The following IFT43 variants were observed in gnomAD, a reference collection of about 807,000 sequenced individuals.
IFT43 encodes intraflagellar transport protein 43 homolog.
A neutral mutation model predicts 32.3 loss-of-function variants in IFT43; 33 were observed. The ratio of observed to expected loss-of-function variants is 1.02; its 90% confidence interval spans 0.77 to 1.37. The LOEUF (loss-of-function observed/expected upper bound fraction) is 1.37, where lower values mean the gene tolerates loss of function less well. Among genes scored for constraint, IFT43 ranks in the 40% most tolerant of loss-of-function variants. IFT43 has a pLI of 0.00. For synonymous variants in IFT43, 93 were observed against 98.2 expected (o/e 0.95, Z 0.31); for missense variants, 274 against 265.9 (o/e 1.03, Z -0.21).
chr14:76,020,911 G>T (rs2036277872), intron 2 of IFT43, among the ~76,000 whole-genome samples: 2 of 152,156 alleles, frequency 1.3e-5, no homozygotes, highest in South Asian at 4.2e-4. Flanking sequence ...GGTAGTGCAT[G>T]TGGGTGGGTG....
At chr14:76,009,147 T>C (rs888331147) in intron 2 of IFT43, among the ~76,000 whole-genome samples, 1 of 152,238 alleles carries the variant, frequency 6.6e-6, no homozygotes, top group African/African-American at 2.4e-5. Flanking sequence ...AAGCCCATTC[T>C]AGCTGGCATG....
chr14:76,070,187 C>G (rs954307911), intron 5 of IFT43, among the ~76,000 whole-genome samples: 1 of 152,190 alleles, frequency 6.6e-6, no homozygotes, highest in African/African-American at 2.4e-5. Flanking sequence ...GCTAGGCTGT[C>G]AATGGAATTA....
intron 3 of IFT43, among the ~76,000 whole-genome samples, chr14:76,037,237 A>G (rs2139999763): frequency 6.6e-6 from 1 of 152,294 alleles, no homozygotes; most frequent in East Asian, 1.9e-4. Flanking sequence ...TTTGTAGGTG[A>G]TGCCGTGTAC....
intron 3 of IFT43, among the ~76,000 whole-genome samples, chr14:76,052,673 A>G (rs1385672233): frequency 6.6e-6 from 1 of 152,220 alleles, no homozygotes; most frequent in Non-Finnish European, 1.5e-5. Context: ...GTGGGCTCCA[A>G]ATGCCAAAGA....
chr14:75,998,750 G>A (rs2035795179), intron 2 of IFT43, among the ~76,000 whole-genome samples: 2 of 152,190 alleles, frequency 1.3e-5, no homozygotes, highest in African/African-American at 2.4e-5. Context: ...TGTGTGCCTG[G>A]CACAGTACAC....
intron 2 of IFT43, among the ~76,000 whole-genome samples, chr14:76,007,919 G>A (rs2036009921): frequency 6.6e-6 from 1 of 152,174 alleles, no homozygotes; most frequent in Admixed American, 6.5e-5. Flanking sequence ...GGGTGAATTT[G>A]AAGAATGGTT....
At chr14:76,008,528 A>T (rs1193091041) in intron 2 of IFT43, among the ~76,000 whole-genome samples, 1 of 152,164 alleles carries the variant, frequency 6.6e-6, no homozygotes, top group Non-Finnish European at 1.5e-5. Context: ...CAGTGGAGAT[A>T]TGATGAGCAC....
chr14:75,999,274 TATA>T lies in IFT43; in HGVS notation c.147+10298_147+10300del, dbSNP rs2035833698. Among the ~76,000 whole-genome samples, 37 of 16,600 alleles carry T rather than the reference TATA, an allele frequency of 2.2e-3. 2 individuals are homozygous for T. The highest frequency in any genetic ancestry group is 5.6e-3 in the African/African-American group (20 of 3,588). The allele number at this position is 16,600 out of a possible 152,430, so 10.9% of individuals were successfully genotyped here. ...ATATATATATATATATATATATATG[TATA>T]TATATTTTTTTTTTTTTTTTTTTAA... On this transcript the variant is annotated intron_variant, in intron 2 of 8. Coordinates refer to ENST00000314067, the MANE Select transcript of IFT43 (RefSeq NM_001102564.3).
chr14:75,987,736 G>A (rs934741593), intron 1 of IFT43, among the ~76,000 whole-genome samples: 2 of 152,172 alleles, frequency 1.3e-5, no homozygotes, highest in Non-Finnish European at 1.5e-5. Flanking sequence ...TTTTGTTTAT[G>A]TGCTGGGAAG....
intron 2 of IFT43, among the ~76,000 whole-genome samples, chr14:76,015,199 G>A (rs551666184): frequency 1.6e-4 from 25 of 152,290 alleles, no homozygotes; most frequent in Middle Eastern, 6.8e-3. Flanking sequence ...CCCCTAACAA[G>A]ACTCATATTA....
intron 1 of IFT43, among the ~76,000 whole-genome samples, chr14:75,987,650 T>C (rs991101425): frequency 8.3e-4 from 127 of 152,334 alleles, no homozygotes; most frequent in African/African-American, 2.9e-3. Context: ...AAAGTGCTTA[T>C]ATTAATGCTG....
At position 76,083,733 on chromosome 14, in the gene IFT43, T is replaced by G. The variant is rs1372926554; in HGVS notation, c.*156T>G. On this transcript the variant is annotated 3_prime_UTR_variant, in exon 9 of 9. Transcript: ENST00000314067. ...TAATTCAATTGCAATAAATTGCTTA[T>G]TCTGTGCCATCTCCTCCATTTCTTT... 6.6e-6 allele frequency: 5 copies of G among 757,406 alleles called. No homozygotes were observed. Among genetic ancestry groups the G allele is most frequent in the Non-Finnish European group, 1.1e-5 (5 of 439,924 alleles). 46.9% of individuals were successfully genotyped at this position (757,406 alleles called of 1,614,324 possible). A position where few individuals can be genotyped will look rare whatever the true frequency, so the allele number is the denominator to read the frequency against.
At chr14:76,024,174 C>T (rs1007662994) in intron 3 of IFT43, among the ~76,000 whole-genome samples, 7 of 152,216 alleles carry the variant, frequency 4.6e-5, no homozygotes, top group Non-Finnish European at 1.0e-4. Flanking sequence ...TGCACATGAC[C>T]TAGAACAGAA....
chr14:76,081,177 A>G (rs1376135433), intron 5 of IFT43, among the ~76,000 whole-genome samples: 1 of 152,250 alleles, frequency 6.6e-6, no homozygotes, highest in African/African-American at 2.4e-5. Context: ...AAAAGTCGAA[A>G]TCACGAATTG....
chr14:76,011,453 C>T (rs1301483678), intron 2 of IFT43, among the ~76,000 whole-genome samples: 1 of 152,118 alleles, frequency 6.6e-6, no homozygotes, highest in Non-Finnish European at 1.5e-5. Flanking sequence ...ACATTACGTC[C>T]CACTGTTAAT....
intron 5 of IFT43, among the ~76,000 whole-genome samples, chr14:76,071,433 A>C (rs947113844): frequency 7.2e-5 from 11 of 152,238 alleles, no homozygotes; most frequent in Non-Finnish European, 1.6e-4. Flanking sequence ...TAAATAACTC[A>C]TCGAGGTCAC....
intron 3 of IFT43, among the ~76,000 whole-genome samples, chr14:76,031,267 T>C (rs929335277): frequency 1.3e-5 from 2 of 152,024 alleles, no homozygotes; most frequent in Admixed American, 6.6e-5. Context: ...TGGTGTATGG[T>C]TTTACTTTTT....
At chr14:76,049,044 C>T (rs558031128) in intron 3 of IFT43, among the ~76,000 whole-genome samples, 8 of 152,200 alleles carry the variant, frequency 5.3e-5, no homozygotes, top group Non-Finnish European at 2.9e-5. Context: ...TACAGGTTTC[C>T]CCATTATAGA....
At position 76,063,107 on chromosome 14, in the gene IFT43, A is replaced by G. The variant is rs537553479; in HGVS notation, c.295+3734A>G. ...CTAAACACTAATGCCTGGTTGTTCA[A>G]TAAGATCTCTACTCCAGCTGAGTGG... On this transcript the variant is annotated intron_variant, in intron 5 of 8. Transcript: ENST00000314067. Among the ~76,000 whole-genome samples the G allele has an allele frequency of 3.9e-4, 59 of 152,268 alleles. 1 individual carries two copies. The South Asian group carries it at 9.3e-3, about 24-fold the overall frequency.
Sources: allele counts gnomAD v4.1 joint callset (sites outside exome capture counted in the v4.1 genomes callset), GRCh38; gene constraint gnomAD v4.1.1; transcripts MANE v1.5; gene names NCBI Gene and HGNC (gene_info 2026-07-23, HGNC 2026-07-21).